Variants in CARS1 observed in about 807,000 individuals in gnomAD.
CARS1 encodes cysteinyl-tRNA synthetase 1, also known as cysteine--tRNA ligase, cytoplasmic.
CARS1 carries 48 observed loss-of-function variants against 106.2 expected under a neutral mutation model. The observed-to-expected ratio is 0.45, with a 90% CI of 0.36 to 0.57. CARS1 has a LOEUF of 0.57. Among genes scored for constraint, CARS1 ranks in the 20% least tolerant of loss-of-function variants. The pLI is 0.00. For synonymous variants in CARS1, 409 were observed against 403.4 expected, an observed-to-expected ratio of 1.01 and a Z score of -0.17; for missense variants, 968 against 1,057.2, an observed-to-expected ratio of 0.92 and a Z score of 1.17.
intron 2 of CARS1, 178 bp from the exon 3 acceptor site, chr11:3,042,434 T>TC: frequency 1.8e-6 from 1 of 562,756 alleles, no homozygotes. Context: ...CTGCGTCTTT[T>TC]TTTTTTTTTA....
chr11:3,042,719 G>C (rs1854642915), intron 2 of CARS1, among the ~76,000 whole-genome samples: 1 of 152,188 alleles, frequency 6.6e-6, no homozygotes, highest in South Asian at 2.1e-4. Flanking sequence ...ACACTGACAA[G>C]GTATGGTCTG....
Position 3,041,179 on chromosome 11 carries a change from G to A in CARS1, c.367-195C>T, listed in dbSNP as rs12284655. 1.1e-5 allele frequency: 8 copies of A among 735,318 alleles called. No homozygotes were observed. Among genetic ancestry groups the A allele is most frequent in the Non-Finnish European group, 1.7e-5 (8 of 468,882 alleles). The allele number at this position is 735,318 out of a possible 1,614,324, so 45.5% of individuals were successfully genotyped here. ...AGATGTACGGCACCTCCCACCAACTGAGCCCTGGGTGGGTGGGGCCTCTTC... is the reference window on the plus strand; with the variant it reads ...AGATGTACGGCACCTCCCACCAACTAAGCCCTGGGTGGGTGGGGCCTCTTC... On this transcript the variant is annotated intron_variant, in intron 3 of 22. Transcript: ENST00000380525. This position sits in a 1 kb window ranked among gnomAD's most constrained non-coding sequence, Gnocchi z 4.9.
rs1212849926 is a variant in CARS1, at chr11:3,034,369, C to T, written c.801+3681G>A. Among the ~76,000 whole-genome samples the T allele has an allele frequency of 2.6e-5, 4 of 151,824 alleles. No individual in the cohort carries two copies. The highest frequency in any genetic ancestry group is 5.9e-5 in the Non-Finnish European group (4 of 67,982). Reference sequence around the variant, plus strand: ...CAGAGTAGCTGGGATTACAGACGCGCGCCACCACATTTGGCTAATTTTTGT... The same window carrying T: ...CAGAGTAGCTGGGATTACAGACGCGTGCCACCACATTTGGCTAATTTTTGT... On this transcript the variant is annotated intron_variant, in intron 7 of 22. Transcript: ENST00000380525. This position sits in a 1 kb window ranked among gnomAD's most constrained non-coding sequence, Gnocchi z 6.3.
chr11:3,028,831 C>T lies in CARS1; in HGVS notation c.1031+165G>A. ...AGTGCAGACCCATGCTCCTCAGCCCCTGGGTGGGCCCAGAGTTGTAGGAGG... is the reference window on the plus strand; with the variant it reads ...AGTGCAGACCCATGCTCCTCAGCCCTTGGGTGGGCCCAGAGTTGTAGGAGG... On this transcript the variant is annotated intron_variant, in intron 9 of 22. Transcript: ENST00000380525. This position sits in a 1 kb window ranked among gnomAD's most constrained non-coding sequence, Gnocchi z 4.4. 1 of 625,898 alleles carries T rather than the reference C, an allele frequency of 1.6e-6. No individual in the cohort carries two copies. The highest frequency in any genetic ancestry group is 2.8e-5 in the Admixed American group (1 of 35,920). 38.8% of individuals were successfully genotyped at this position (625,898 alleles called of 1,614,324 possible). A position where few individuals can be genotyped will look rare whatever the true frequency, so the allele number is the denominator to read the frequency against.
chr11:3,047,443 G>A (rs1171434625), intron 2 of CARS1, among the ~76,000 whole-genome samples: 3 of 152,196 alleles, frequency 2.0e-5, no homozygotes, highest in Admixed American at 6.5e-5. Flanking sequence ...GCTAGGGCCC[G>A]TGGCCTGGGC....
chr11:3,025,207 G>A (rs1357430734), intron 10 of CARS1, among the ~76,000 whole-genome samples: 1 of 152,154 alleles, frequency 6.6e-6, no homozygotes, highest in East Asian at 1.9e-4. Flanking sequence ...TCTTTCTTCA[G>A]TCTGTGTTGT....
At position 3,017,970 on chromosome 11, in the gene CARS1, T is replaced by C. The variant is rs1490071909; in HGVS notation, c.1630-16A>G. 1 of 1,576,920 alleles carries C rather than the reference T, an allele frequency of 6.3e-7. No individual in the cohort carries two copies. The highest frequency in any genetic ancestry group is 8.7e-7 in the Non-Finnish European group (1 of 1,147,308). ...AGAAAAACTCCTGAAGTTAGAAAAA[T>C]CAGTTTAACAGCATTTAGGCAACTT... On this transcript the variant is annotated splice_polypyrimidine_tract_variant and intron_variant, in intron 14 of 22. Transcript: ENST00000380525. This position sits in a 1 kb window ranked among gnomAD's most constrained non-coding sequence, Gnocchi z 4.9.
Position 3,028,668 on chromosome 11 carries a change from C to T in CARS1, c.1031+328G>A. ...GACTAGCACTCTCAAAATGTCTACG[C>T]AATGGCACTGATGTCTGTGAAGGCC... On this transcript the variant is annotated intron_variant, in intron 9 of 22. Transcript: ENST00000380525. This position sits in a 1 kb window ranked among gnomAD's most constrained non-coding sequence, Gnocchi z 4.4. 2.6e-6 allele frequency: 1 copy of T among 385,638 alleles called. No homozygotes were observed. The allele number at this position is 385,638 out of a possible 1,614,324, so 23.9% of individuals were successfully genotyped here.
chr11:3,026,490 T>C (rs1246371186), intron 10 of CARS1, among the ~76,000 whole-genome samples, 186 bp downstream of exon 10: 1 of 152,094 alleles, frequency 6.6e-6, no homozygotes, highest in Non-Finnish European at 1.5e-5. Context: ...AAAAAACACA[T>C]GTCATGGTCT....
chr11:3,035,064 T>C (rs561053569), intron 7 of CARS1, among the ~76,000 whole-genome samples: 20 of 152,040 alleles, frequency 1.3e-4, no homozygotes, highest in Non-Finnish European at 2.4e-4. Flanking sequence ...AACCCATTAA[T>C]CCATTAACCC....
chr11:3,044,337 G>A lies in CARS1; in HGVS notation c.275-2081C>T, dbSNP rs921949968. Among the ~76,000 whole-genome samples the A allele has an allele frequency of 5.3e-5, 8 of 152,222 alleles. No homozygotes were observed. The highest frequency in any genetic ancestry group is 1.4e-4 in the African/African-American group (6 of 41,530). On this transcript the variant is annotated intron_variant, in intron 2 of 22. Transcript: ENST00000380525. This position sits in a 1 kb window ranked among gnomAD's most constrained non-coding sequence, Gnocchi z 4.4. ...CTGGCGATGGGCTCCCCAGGAAAAC[G>A]GGTTACCAGGCCCAGATATACAAAT...
Position 3,034,464 on chromosome 11 carries a change from G to A in CARS1, c.801+3586C>T, listed in dbSNP as rs1250952840. ...TCAAACCCCTGACCTCAGGTGATCCGCCCGCCTCAGCCTCCCAAAGTGCTA... is the reference window on the plus strand; with the variant it reads ...TCAAACCCCTGACCTCAGGTGATCCACCCGCCTCAGCCTCCCAAAGTGCTA... On this transcript the variant is annotated intron_variant, in intron 7 of 22. Transcript: ENST00000380525. The surrounding 1 kb of genome is among the most constrained non-coding windows in gnomAD (Gnocchi z 6.3). Among the ~76,000 whole-genome samples the A allele has an allele frequency of 3.9e-5, 6 of 151,964 alleles. No individual in the cohort carries two copies. In the East Asian group the frequency reaches 5.8e-4, roughly 15 times the overall value.
chr11:3,001,646 A>G (rs1237294232), intron 22 of CARS1, among the ~76,000 whole-genome samples: 2 of 152,220 alleles, frequency 1.3e-5, no homozygotes, highest in Admixed American at 6.5e-5. Context: ...TGGGGGTAGG[A>G]GGCCTATCTG....
Position 3,037,616 on chromosome 11 carries a change from G to A in CARS1, c.801+434C>T, listed in dbSNP as rs910424255. On this transcript the variant is annotated intron_variant, in intron 7 of 22. Transcript: ENST00000380525. This position sits in a 1 kb window ranked among gnomAD's most constrained non-coding sequence, Gnocchi z 5.9. The stretch of plus-strand genomic sequence containing the variant: ...GGCAGGGGCAGGAGAGCTGGTCAAC[G>A]TGAAGGCCCCAAGCTCAGTAGGTAC... Among the ~76,000 whole-genome samples the A allele has an allele frequency of 2.0e-5, 3 of 152,186 alleles. No individual in the cohort carries two copies. Among genetic ancestry groups the A allele is most frequent in the South Asian group, 2.1e-4 (1 of 4,832 alleles).
chr11:3,019,060 G>A lies in CARS1; in HGVS notation c.1395+79C>T, dbSNP rs550470939. 14 of 1,450,988 alleles carry A rather than the reference G, an allele frequency of 9.6e-6. No individual in the cohort carries two copies. In the African/African-American group the frequency reaches 1.1e-4, roughly 12 times the overall value. 89.9% of individuals were successfully genotyped at this position (1,450,988 alleles called of 1,614,324 possible). ...GTTCTAGTGAGAGAGGCCCTTCTGA[G>A]GCCTGGGCTGACTTTTCCTCCACTG... On this transcript the variant is annotated intron_variant, in intron 12 of 22. Coordinates refer to ENST00000380525, the MANE Select transcript of CARS1 (RefSeq NM_001014437.3). The surrounding 1 kb of genome is among the most constrained non-coding windows in gnomAD (Gnocchi z 6.2).
In CARS1 at chr11:3,047,863, G is replaced by A. The variant is rs749714870; in HGVS notation, c.164C>T (p.Ser55Leu). Residue 55 changes from serine (S) to leucine (L), a missense_variant, in exon 2 of 23, where the codon TCG becomes TTG. Coordinates refer to ENST00000380525, the MANE Select transcript of CARS1 (RefSeq NM_001014437.3). ...QADVDAFRQL[S>L]APPADPQLFH... ...GAGCTGGGGGTCAGCGGGCGGGGCC[G>A]AGAGCTGCCTGAACGCGTCCACGTC... 19 of 1,613,958 alleles carry A rather than the reference G, an allele frequency of 1.2e-5. No individual in the cohort carries two copies. In the East Asian group the frequency reaches 1.3e-4, roughly 11 times the overall value.
chr11:3,043,758 C>T lies in CARS1; in HGVS notation c.275-1502G>A, dbSNP rs989750480. ...CTAGCTCAGGCCACACGAGCCAGGA[C>T]GGCAGACGCTGATGACTAACAGGCC... On this transcript the variant is annotated intron_variant, in intron 2 of 22. Transcript: ENST00000380525. The surrounding 1 kb of genome is among the most constrained non-coding windows in gnomAD (Gnocchi z 4.0). 2.6e-5 allele frequency among the ~76,000 whole-genome samples: 4 copies of T among 152,074 alleles called. No homozygotes were observed. The highest frequency in any genetic ancestry group is 2.1e-4 in the South Asian group (1 of 4,822).
At chr11:3,049,248 G>C (rs551962571) in intron 1 of CARS1, among the ~76,000 whole-genome samples, 1 of 152,236 alleles carries the variant, frequency 6.6e-6, no homozygotes, top group East Asian at 1.9e-4. Flanking sequence ...CTGAGTAGCT[G>C]GGACTACAGG....
intron 17 of CARS1, among the ~76,000 whole-genome samples, chr11:3,013,032 G>A (rs1395161804): frequency 6.6e-6 from 1 of 151,842 alleles, no homozygotes; most frequent in East Asian, 1.9e-4. Context: ...TGGGATTACA[G>A]GCAAGCGCCA....
Sources: gnomAD v4.1 joint callset for allele counts (sites outside exome capture counted in the v4.1 genomes callset) on GRCh38, gnomAD v4.1.1 for gene constraint, Gnocchi (gnomAD v3.1) non-coding constraint, MANE v1.5 for transcripts, NCBI Gene and HGNC (gene_info 2026-07-23, HGNC 2026-07-21) for gene names.